Variants in GRID2 observed in about 807,000 individuals in gnomAD.
The protein encoded by GRID2 is glutamate receptor ionotropic, delta-2.
A neutral mutation model predicts 114.8 loss-of-function variants in GRID2; 33 were observed. The ratio of observed to expected loss-of-function variants is 0.29; its 90% CI spans 0.22 to 0.38. The LOEUF (loss-of-function observed/expected upper bound fraction) is 0.38. GRID2 is among the 10% of genes least tolerant of loss of function. The probability of loss-of-function intolerance (pLI) is 1.00; values close to 1 mark genes in which losing one functional copy is unlikely to be tolerated. For missense variants in GRID2, 1,184 were observed against 1,257.7 expected (o/e 0.94, Z 0.89); for synonymous variants, 505 against 449.9 (o/e 1.12, Z -1.55).
chr4:93,793,641 C>T (rs1357301018), intron 1 of GRID2, among the ~76,000 whole-genome samples: 5 of 152,086 alleles, frequency 3.3e-5, no homozygotes, highest in Admixed American at 6.5e-5. Flanking sequence ...TATTGAGATA[C>T]ACTCAAAAAC....
intron 1 of GRID2, among the ~76,000 whole-genome samples, chr4:92,441,562 C>T (rs1186361803): frequency 6.6e-6 from 1 of 152,100 alleles, no homozygotes; most frequent in East Asian, 1.9e-4. Flanking sequence ...AGGCGCAGAT[C>T]CTGAGCTAAC....
intron 2 of GRID2, among the ~76,000 whole-genome samples, chr4:92,866,851 G>A (rs1242366890): frequency 2.0e-5 from 3 of 151,984 alleles, no homozygotes; most frequent in Non-Finnish European, 2.9e-5. Flanking sequence ...GCTCCCGGCC[G>A]ATGTTATCCT....
chr4:93,155,658 A>G (rs1352255557), intron 4 of GRID2, among the ~76,000 whole-genome samples: 1 of 151,944 alleles, frequency 6.6e-6, no homozygotes, highest in Non-Finnish European at 1.5e-5. Context: ...CTGGAAAGAC[A>G]CTGGAGATAC....
At chr4:93,512,901 T>C (rs959717485) in intron 12 of GRID2, among the ~76,000 whole-genome samples, 3 of 152,200 alleles carry the variant, frequency 2.0e-5, no homozygotes, top group African/African-American at 7.2e-5. Flanking sequence ...TCAGTTTTCT[T>C]TTCATAGAAG....
At chr4:92,699,758 A>G (rs1734583083) in intron 2 of GRID2, among the ~76,000 whole-genome samples, 1 of 152,134 alleles carries the variant, frequency 6.6e-6, no homozygotes, top group African/African-American at 2.4e-5. Context: ...TTCTGTCTTC[A>G]GTGTTCTCTT....
chr4:93,012,114 C>A (rs1022523997), intron 2 of GRID2, among the ~76,000 whole-genome samples: 1 of 151,008 alleles, frequency 6.6e-6, no homozygotes, highest in South Asian at 2.1e-4. Context: ...ATAGTGACAC[C>A]TGTAAGTGTA....
chr4:92,703,995 G>A (rs952593091), intron 2 of GRID2, among the ~76,000 whole-genome samples: 1 of 152,112 alleles, frequency 6.6e-6, no homozygotes, highest in Non-Finnish European at 1.5e-5. Context: ...AAGAGAATTG[G>A]CCGGGCGCAG....
intron 2 of GRID2, among the ~76,000 whole-genome samples, chr4:93,014,065 G>C (rs948704461): frequency 6.6e-6 from 1 of 151,972 alleles, no homozygotes; most frequent in Non-Finnish European, 1.5e-5. Flanking sequence ...GCACTTTGTG[G>C]AGAGAAAGGG....
At chr4:92,489,616 C>T (rs1579455039) in intron 1 of GRID2, among the ~76,000 whole-genome samples, 2 of 152,016 alleles carry the variant, frequency 1.3e-5, no homozygotes, top group Admixed American at 6.6e-5. Flanking sequence ...GAGGCCAAGG[C>T]GGGTGGATCA....
chr4:93,079,536 A>G (rs1729661679), intron 2 of GRID2, among the ~76,000 whole-genome samples: 1 of 151,988 alleles, frequency 6.6e-6, no homozygotes, highest in African/African-American at 2.4e-5. Flanking sequence ...CATGGCCCAG[A>G]CATTCTAATC....
chr4:92,663,577 A>G (rs1247829514), intron 2 of GRID2, among the ~76,000 whole-genome samples: 1 of 151,202 alleles, frequency 6.6e-6, no homozygotes, highest in Non-Finnish European at 1.5e-5. Flanking sequence ...AATTTCACAA[A>G]CATATCTTTT....
At chr4:92,422,201 T>C (rs1731941234) in intron 1 of GRID2, among the ~76,000 whole-genome samples, 1 of 151,920 alleles carries the variant, frequency 6.6e-6, no homozygotes, top group Admixed American at 6.6e-5. Flanking sequence ...AGGCAGCAGG[T>C]GGGAAAAAGC....
intron 8 of GRID2, among the ~76,000 whole-genome samples, chr4:93,331,629 A>C (rs1308810364): frequency 2.6e-5 from 4 of 152,164 alleles, no homozygotes; most frequent in Non-Finnish European, 4.4e-5. Flanking sequence ...TAGCAATAGC[A>C]GCCATTCAAC....
At chr4:93,354,852 T>C (rs1300484784) in intron 8 of GRID2, among the ~76,000 whole-genome samples, 10 of 147,510 alleles carry the variant, frequency 6.8e-5, no homozygotes, top group Non-Finnish European at 1.5e-5. Context: ...AAATGTTCAA[T>C]AAGGCCTGTA....
chr4:93,721,076 A>G (rs1410133332), intron 14 of GRID2, among the ~76,000 whole-genome samples: 1 of 152,148 alleles, frequency 6.6e-6, no homozygotes, highest in African/African-American at 2.4e-5. Context: ...CCATCACTCA[A>G]CGAAGTTTTA....
chr4:93,080,616 G>A (rs1188924568), intron 2 of GRID2, among the ~76,000 whole-genome samples: 1 of 152,102 alleles, frequency 6.6e-6, no homozygotes, highest in African/African-American at 2.4e-5. Context: ...TTGTGATGCA[G>A]GGCAGATTTT....
intron 9 of GRID2, among the ~76,000 whole-genome samples, chr4:93,415,018 AT>A (rs1767565812): frequency 6.6e-6 from 1 of 152,090 alleles, no homozygotes; most frequent in African/African-American, 2.4e-5. Context: ...ATGCTTCTAT[AT>A]CCAGATAATG....
intron 1 of GRID2, among the ~76,000 whole-genome samples, chr4:92,454,832 T>G (rs1490725614): frequency 6.6e-6 from 1 of 152,154 alleles, no homozygotes; most frequent in East Asian, 1.9e-4. Flanking sequence ...CGAGACTCCG[T>G]CTCAAAAGAA....
chr4:92,779,896 TA>T (rs1203314904), intron 2 of GRID2, among the ~76,000 whole-genome samples: 1 of 152,156 alleles, frequency 6.6e-6, no homozygotes, highest in Non-Finnish European at 1.5e-5. Flanking sequence ...CACCTTTGTT[TA>T]GGGGAATATG....
Sources: allele counts gnomAD v4.1 joint callset (sites outside exome capture counted in the v4.1 genomes callset), GRCh38; gene constraint gnomAD v4.1.1; transcripts MANE v1.5; gene names NCBI Gene and HGNC (gene_info 2026-07-23, HGNC 2026-07-21).